The following PLXNA4 variants were observed in gnomAD, a reference collection of about 807,000 sequenced individuals.
PLXNA4 encodes the protein plexin A4.
In PLXNA4, 44 loss-of-function variants were observed where a neutral mutation model predicts 191.8. The observed-to-expected ratio is 0.23, with a 90% CI of 0.18 to 0.29. The LOEUF (loss-of-function observed/expected upper bound fraction) is 0.29, where lower values mean the gene tolerates loss of function less well. PLXNA4 is among the 10% of genes least tolerant of loss of function. The probability of loss-of-function intolerance (pLI) is 1.00; values close to 1 mark genes in which losing one functional copy is unlikely to be tolerated. For synonymous variants in PLXNA4, 1,082 were observed against 1,009.5 expected, an observed-to-expected ratio of 1.07 and a Z score of -1.36; for missense variants, 1,800 against 2,488.8, an observed-to-expected ratio of 0.72 and a Z score of 5.89.
intron 3 of PLXNA4, among the ~76,000 whole-genome samples, chr7:132,357,472 T>C (rs1465380765): frequency 1.3e-5 from 2 of 152,206 alleles, no homozygotes; most frequent in Non-Finnish European, 2.9e-5. Context: ...AATTCATTTG[T>C]TCATTGTAAA....
intron 3 of PLXNA4, among the ~76,000 whole-genome samples, chr7:132,444,745 T>C (rs1795831659): frequency 6.6e-6 from 1 of 152,124 alleles, no homozygotes; most frequent in Admixed American, 6.5e-5. Flanking sequence ...CCATGCACCC[T>C]CTCCACTTTC....
intron 3 of PLXNA4, among the ~76,000 whole-genome samples, chr7:132,454,823 T>C (rs1452215136): frequency 2.0e-5 from 3 of 152,014 alleles, no homozygotes; most frequent in African/African-American, 7.2e-5. Flanking sequence ...TATACCTTGA[T>C]CTTGGGCATC....
At chr7:132,146,290 A>C (rs930319612) in intron 28 of PLXNA4, among the ~76,000 whole-genome samples, 3 of 152,072 alleles carry the variant, frequency 2.0e-5, no homozygotes, top group Admixed American at 1.3e-4. Flanking sequence ...TTCAGATTGC[A>C]TGCCAACACT....
intron 14 of PLXNA4, among the ~76,000 whole-genome samples, chr7:132,191,792 C>CTCTCTCTCTCTG (rs1243619291): frequency 6.6e-6 from 1 of 151,404 alleles, no homozygotes; most frequent in African/African-American, 2.4e-5. Context: ...CTCTCTCTCT[C>CTCTCTCTCTCTG]TCTGTCTCTA....
chr7:132,622,002 T>A (rs1022026210), intron 2 of PLXNA4, among the ~76,000 whole-genome samples: 2 of 152,232 alleles, frequency 1.3e-5, no homozygotes, highest in Non-Finnish European at 1.5e-5. Flanking sequence ...CTAGCTATCC[T>A]CCTAATCTCT....
chr7:132,463,794 G>A (rs1191810489), intron 3 of PLXNA4, among the ~76,000 whole-genome samples: 1 of 152,184 alleles, frequency 6.6e-6, no homozygotes, highest in Non-Finnish European at 1.5e-5. Flanking sequence ...CCCCTCACAA[G>A]GGCTTCCTGA....
intron 2 of PLXNA4, among the ~76,000 whole-genome samples, chr7:132,623,509 C>A (rs1803312901): frequency 6.6e-6 from 1 of 152,122 alleles, no homozygotes; most frequent in Non-Finnish European, 1.5e-5. Flanking sequence ...AGGACTCACC[C>A]ATAAGTCACA....
chr7:132,246,598 A>ACT (rs1371825207), intron 4 of PLXNA4, among the ~76,000 whole-genome samples: 3 of 152,014 alleles, frequency 2.0e-5, no homozygotes, highest in Admixed American at 2.0e-4. Context: ...GCCAGAAATC[A>ACT]CTCATGTGCC....
Position 132,128,756 on chromosome 7 carries a change from G to A in PLXNA4, c.*1723C>T, listed in dbSNP as rs561659306. On this transcript the variant is annotated 3_prime_UTR_variant, in exon 32 of 32. Coordinates refer to ENST00000321063, the MANE Select transcript of PLXNA4 (RefSeq NM_020911.2). The stretch of plus-strand genomic sequence containing the variant: ...CCCCAAGGGGGGCTCATTCTGAGTG[G>A]GTGACAAGGAATGATGTCTGATGTT... 1 of 152,306 alleles carries A rather than the reference G, an allele frequency of 6.6e-6. No individual in the cohort carries two copies. The highest frequency in any genetic ancestry group is 2.4e-5 in the African/African-American group (1 of 41,572). 9.4% of individuals were successfully genotyped at this position (152,306 alleles called of 1,614,324 possible).
At chr7:132,317,080 G>T (rs1801972080) in intron 3 of PLXNA4, among the ~76,000 whole-genome samples, 3 of 152,120 alleles carry the variant, frequency 2.0e-5, no homozygotes. Context: ...GAATTGGATT[G>T]GATTGTGTTG....
At chr7:132,302,267 A>T (rs1165974259) in intron 3 of PLXNA4, among the ~76,000 whole-genome samples, 2 of 152,168 alleles carry the variant, frequency 1.3e-5, no homozygotes, top group Non-Finnish European at 2.9e-5. Flanking sequence ...TCTTTGGGAC[A>T]GCAAGAAGGC....
At chr7:132,147,775 T>C in intron 27 of PLXNA4, 125 bp downstream of exon 27, 3 of 1,302,580 alleles carry the variant, frequency 2.3e-6, no homozygotes, top group Non-Finnish European at 2.1e-6. Context: ...TCTTCCCCGA[T>C]GGTCAGCCTG....
chr7:132,270,234 C>T (rs1444900072), intron 4 of PLXNA4, among the ~76,000 whole-genome samples: 2 of 152,074 alleles, frequency 1.3e-5, no homozygotes, highest in Non-Finnish European at 2.9e-5. Flanking sequence ...CAATAATTGC[C>T]GTGCCTGGGA....
chr7:132,480,663 GC>G (rs752022362), intron 3 of PLXNA4, among the ~76,000 whole-genome samples: 5 of 152,178 alleles, frequency 3.3e-5, no homozygotes, highest in African/African-American at 4.8e-5. Context: ...ACAAAGATGG[GC>G]CCAGTCTGTC....
At chr7:132,383,129 C>T (rs1804966859) in intron 3 of PLXNA4, among the ~76,000 whole-genome samples, 1 of 152,152 alleles carries the variant, frequency 6.6e-6, no homozygotes, top group Non-Finnish European at 1.5e-5. Context: ...TTGATCCCTC[C>T]ATCCATGCTC....
At chr7:132,166,190 C>T (rs1346505623) in intron 22 of PLXNA4, among the ~76,000 whole-genome samples, 7 of 151,564 alleles carry the variant, frequency 4.6e-5, no homozygotes, top group African/African-American at 9.6e-5. Flanking sequence ...AGTGAGACTC[C>T]GTCTCAAAAA....
intron 1 of PLXNA4, among the ~76,000 whole-genome samples, chr7:132,528,941 C>A (rs1407520410): frequency 6.6e-6 from 1 of 152,210 alleles, no homozygotes; most frequent in African/African-American, 2.4e-5. Context: ...TACAGCTGTG[C>A]TCGCTGATGA....
At chr7:132,485,144 G>A in intron 3 of PLXNA4, 2 of 1,326,906 alleles carry the variant, frequency 1.5e-6, no homozygotes, top group Non-Finnish European at 2.0e-6. Flanking sequence ...CTCTTCATGG[G>A]AATGTGCACC....
At chr7:132,390,198 A>G (rs897114067) in intron 3 of PLXNA4, among the ~76,000 whole-genome samples, 3 of 152,246 alleles carry the variant, frequency 2.0e-5, no homozygotes, top group Non-Finnish European at 4.4e-5. Context: ...CTGGACAAAG[A>G]AAATGTGGCC....
Sources: gnomAD v4.1 joint callset for allele counts (sites outside exome capture counted in the v4.1 genomes callset) on GRCh38, gnomAD v4.1.1 for gene constraint, MANE v1.5 for transcripts, NCBI Gene and HGNC (gene_info 2026-07-23, HGNC 2026-07-21) for gene names.